MYO5B: variants seen among roughly 807,000 people sequenced by gnomAD.
The protein encoded by MYO5B is unconventional myosin-Vb.
Under a neutral mutation model 229.3 loss-of-function variants are expected in MYO5B, and 143 were observed. That is an observed-to-expected ratio of 0.62 (90% CI 0.54 to 0.72). The LOEUF (loss-of-function observed/expected upper bound fraction) is 0.72. Ranked by LOEUF, MYO5B falls within the 30% of genes least tolerant of loss-of-function variation. The pLI is 0.00. For synonymous variants in MYO5B, 918 were observed against 885.2 expected (o/e 1.04, Z -0.66); for missense variants, 2,321 against 2,331.0 (o/e 1.00, Z 0.09).
chr18:50,184,905 T>A (rs4939620), intron 1 of MYO5B, among the ~76,000 whole-genome samples: 23 of 21,176 alleles, frequency 1.1e-3, no homozygotes, highest in Middle Eastern at 0.042. Context: ...GAAAAAAATA[T>A]ATATATATAT....
intron 39 of MYO5B, among the ~76,000 whole-genome samples, chr18:49,834,073 T>C (rs187379931): frequency 6.6e-5 from 10 of 152,330 alleles, no homozygotes; most frequent in Non-Finnish European, 1.5e-4. Flanking sequence ...TTTAGGCTTT[T>C]TTTTTGCCAT....
chr18:49,956,893 G>C (rs1318940218), intron 12 of MYO5B, among the ~76,000 whole-genome samples: 2 of 152,104 alleles, frequency 1.3e-5, no homozygotes, highest in Non-Finnish European at 2.9e-5. Context: ...AAAGAAAGTA[G>C]ATTAGTGGTT....
At chr18:49,967,151 C>T (rs528468527) in intron 10 of MYO5B, among the ~76,000 whole-genome samples, 9 of 152,264 alleles carry the variant, frequency 5.9e-5, no homozygotes, top group Admixed American at 4.6e-4. Context: ...AATGTGGCAT[C>T]TGGTCTCTCG....
chr18:49,945,900 G>A (rs957113117), intron 14 of MYO5B, among the ~76,000 whole-genome samples: 2 of 152,150 alleles, frequency 1.3e-5, no homozygotes, highest in East Asian at 3.9e-4. Flanking sequence ...GAGGCTGGAG[G>A]CAGGTTCACA....
intron 31 of MYO5B, chr18:49,850,034 G>A (rs1459105592): frequency 4.5e-5 from 16 of 353,646 alleles, no homozygotes; most frequent in African/African-American, 1.5e-4. Flanking sequence ...GGGAAGGAAC[G>A]GACAGGTGTG....
chr18:50,056,041 T>A (rs753641049), intron 1 of MYO5B, among the ~76,000 whole-genome samples: 2 of 152,130 alleles, frequency 1.3e-5, no homozygotes, highest in African/African-American at 2.4e-5. Context: ...TCCCAAAGTG[T>A]TGGGATGACA....
chr18:50,150,054 T>C (rs1334935109), intron 1 of MYO5B, among the ~76,000 whole-genome samples: 7 of 150,056 alleles, frequency 4.7e-5, no homozygotes, highest in Non-Finnish European at 8.9e-5. Context: ...AAAGAAGACA[T>C]TTGTGCAGCC....
chr18:49,837,468 C>T (rs772999913), intron 37 of MYO5B, 49 bp downstream of exon 37: 3 of 1,606,082 alleles, frequency 1.9e-6, no homozygotes, highest in South Asian at 2.2e-5. Context: ...TAGCTGCAGT[C>T]AGTGAGGGCC....
intron 1 of MYO5B, among the ~76,000 whole-genome samples, chr18:50,106,085 G>C (rs2031754985): frequency 6.6e-6 from 1 of 152,030 alleles, no homozygotes; most frequent in African/African-American, 2.4e-5. Flanking sequence ...CCCTGCCTCA[G>C]AGAGTGGTAC....
At chr18:50,001,519 C>A (rs760028680) in intron 4 of MYO5B, 108 bp from the exon 5 acceptor site, 2 of 1,310,748 alleles carry the variant, frequency 1.5e-6, no homozygotes, top group Non-Finnish European at 2.2e-6. Flanking sequence ...ATCTCTCCTA[C>A]TTTAATGGAT....
At chr18:49,965,011 C>A (rs181072057) in intron 10 of MYO5B, among the ~76,000 whole-genome samples, 12 of 152,316 alleles carry the variant, frequency 7.9e-5, no homozygotes, top group African/African-American at 2.4e-4. Context: ...AACTGACAAC[C>A]TGACCTGCAC....
chr18:50,019,827 A>G (rs1343189105), intron 4 of MYO5B, among the ~76,000 whole-genome samples: 1 of 152,096 alleles, frequency 6.6e-6, no homozygotes, highest in Non-Finnish European at 1.5e-5. Flanking sequence ...AAAGAATTGG[A>G]CCAAAAAATA....
intron 4 of MYO5B, among the ~76,000 whole-genome samples, chr18:50,009,116 G>A (rs4939610): frequency 0.86 from 131,308 of 152,200 alleles, 58,473 homozygotes; most frequent in East Asian, 1. Flanking sequence ...AGTGGCTCAC[G>A]TCTGTAATCA....
At chr18:49,958,644 C>T (rs1438605208) in intron 12 of MYO5B, among the ~76,000 whole-genome samples, 2 of 152,200 alleles carry the variant, frequency 1.3e-5, no homozygotes, top group Non-Finnish European at 2.9e-5. Flanking sequence ...CTCTCTCGCA[C>T]CGCTTCTTTT....
At chr18:49,989,518 T>C (rs544947851) in intron 7 of MYO5B, among the ~76,000 whole-genome samples, 1 of 151,610 alleles carries the variant, frequency 6.6e-6, no homozygotes, top group South Asian at 2.1e-4. Flanking sequence ...ACCAAGACGC[T>C]GCTGGGCTCA....
intron 1 of MYO5B, among the ~76,000 whole-genome samples, chr18:50,116,681 T>TC (rs141580556): frequency 0.018 from 2,696 of 151,940 alleles, 85 homozygotes; most frequent in African/African-American, 0.061. Flanking sequence ...CAAAGTGTGG[T>TC]CCCTGGATCA....
intron 4 of MYO5B, among the ~76,000 whole-genome samples, chr18:50,026,559 A>G (rs1047413046): frequency 6.6e-6 from 1 of 152,244 alleles, no homozygotes; most frequent in Admixed American, 6.5e-5. Flanking sequence ...AGCACATAGA[A>G]CTGGCTATCC....
chr18:50,011,431 A>G (rs867574652), intron 4 of MYO5B, among the ~76,000 whole-genome samples: 6 of 152,094 alleles, frequency 3.9e-5, no homozygotes, highest in South Asian at 2.1e-4. Flanking sequence ...CAACCCAGAT[A>G]CTTCCTCTGA....
intron 1 of MYO5B, among the ~76,000 whole-genome samples, chr18:50,162,156 T>C (rs774793126): frequency 2.6e-5 from 4 of 152,230 alleles, no homozygotes; most frequent in African/African-American, 4.8e-5. Flanking sequence ...GAAAAAGCTA[T>C]TTCTCAAACT....
Sources: allele counts gnomAD v4.1 joint callset (sites outside exome capture counted in the v4.1 genomes callset), GRCh38; gene constraint gnomAD v4.1.1; transcripts MANE v1.5; gene names NCBI Gene and HGNC (gene_info 2026-07-23, HGNC 2026-07-21).